Variants in LRIG1 observed in about 807,000 individuals in gnomAD.
The protein encoded by LRIG1 is leucine-rich repeats and immunoglobulin-like domains protein 1.
A neutral mutation model predicts 99.2 loss-of-function variants in LRIG1; 48 were observed. That is an observed-to-expected ratio of 0.48 (90% CI 0.38 to 0.62). LRIG1 has a LOEUF of 0.62. Among genes scored for constraint, LRIG1 ranks in the 20% least tolerant of loss-of-function variants. LRIG1 has a pLI of 0.00. For synonymous variants in LRIG1, 772 were observed against 596.1 expected (o/e 1.29, Z -4.30); for missense variants, 1,646 against 1,434.4 (o/e 1.15, Z -2.38).
chr3:66,391,642 G>A (rs1701623185), intron 12 of LRIG1, among the ~76,000 whole-genome samples: 1 of 152,280 alleles, frequency 6.6e-6, no homozygotes, highest in Admixed American at 6.5e-5. Context: ...ATTACTAATG[G>A]TATGGGGATC....
chr3:66,401,066 G>A (rs1480304683), intron 9 of LRIG1, among the ~76,000 whole-genome samples: 1 of 152,228 alleles, frequency 6.6e-6, no homozygotes, highest in Non-Finnish European at 1.5e-5. Context: ...AGCCAGCTCT[G>A]TTTCCTGCCT....
At chr3:66,381,021 G>A (rs912419495) in intron 17 of LRIG1, 160 bp from the exon 18 acceptor site, 4 of 698,536 alleles carry the variant, frequency 5.7e-6, no homozygotes, top group African/African-American at 3.6e-5. Context: ...CCCAGAGAAA[G>A]GACTGGGCAA....
intron 1 of LRIG1, among the ~76,000 whole-genome samples, chr3:66,482,135 A>T (rs1700865955): frequency 6.6e-6 from 1 of 152,256 alleles, no homozygotes; most frequent in Non-Finnish European, 1.5e-5. Context: ...CTGCAGCAGT[A>T]CAGGATCAAC....
At position 66,380,820 on chromosome 3, in the gene LRIG1, C is replaced by T. The variant is rs779684946; in HGVS notation, c.2812G>A (p.Val938Met). The T allele has an allele frequency of 1.9e-6, 3 of 1,614,250 alleles. No homozygotes were observed. The highest frequency in any genetic ancestry group is 2.5e-6 in the Non-Finnish European group (3 of 1,180,056). The change falls in exon 18 of 19, where the codon GTG (valine) becomes ATG (methionine). Residue 938 changes from valine (V) to methionine (M), a missense_variant. Physicochemically the swap from Val to Met is conservative, Grantham distance 21. Transcript: ENST00000273261. ...GCTTGTCCCCTGGAGTAACAGTCCACTTCGGTGTTGCAGTCACTGCATACG... is the reference window on the plus strand; with the variant it reads ...GCTTGTCCCCTGGAGTAACAGTCCATTTCGGTGTTGCAGTCACTGCATACG... Reference protein sequence around the residue: ...RVVCSDCNTEVDCYSRGQAFH... With the variant: ...RVVCSDCNTEMDCYSRGQAFH...
intron 1 of LRIG1, among the ~76,000 whole-genome samples, chr3:66,485,628 T>G (rs140132691): frequency 6.6e-6 from 1 of 152,336 alleles, no homozygotes; most frequent in East Asian, 1.9e-4. Context: ...ATAAATAGTT[T>G]ACTTTTTTTG....
Position 66,471,833 on chromosome 3 carries a change from A to G in LRIG1, c.219-9324T>C, listed in dbSNP as rs570628202. Among the ~76,000 whole-genome samples, 89 of 152,272 alleles carry G rather than the reference A, an allele frequency of 5.8e-4. 1 individual carries two copies. In the South Asian group the frequency reaches 0.018, roughly 31 times the overall value. ...GTTCACCAAGTGCTTTGTAAAGTCC[A>G]CCAAAGCTTCTCTGGTCACGGATTA... On this transcript the variant is annotated intron_variant, in intron 1 of 18. Transcript: ENST00000273261.
chr3:66,380,297 T>C lies in LRIG1; in HGVS notation c.3248A>G (p.Gln1083Arg), dbSNP rs1286489002. ...TPLTGQLPGK[Q>R]RVPLLLAPKS Reference sequence around the variant, plus strand: ...TGGTGCCAACAGCAGTGGCACCCTCTGTTTCCCGGGGAGCTGTCCTGTCAG... The same window carrying C: ...TGGTGCCAACAGCAGTGGCACCCTCCGTTTCCCGGGGAGCTGTCCTGTCAG... The change falls in exon 19 of 19, where the codon CAG becomes CGG. Residue 1083 changes from glutamine to arginine, a missense_variant. By Grantham distance (43) the Gln-to-Arg change is conservative. Transcript: ENST00000273261. 4 of 1,613,678 alleles carry C rather than the reference T, an allele frequency of 2.5e-6. No homozygotes were observed. In the South Asian group the frequency reaches 4.4e-5, roughly 18 times the overall value.
rs561928903 is a variant in LRIG1 at position 66,398,043 on chromosome 3, A to G, written c.1304+69T>C. On this transcript the variant is annotated intron_variant, in intron 11 of 18. Coordinates refer to ENST00000273261, the MANE Select transcript of LRIG1 (RefSeq NM_015541.3). ...ACTTTTAACAAGTGAGCATAATGCA[A>G]TTGCAGAAGTTTCTTACTCTGAAAG... The G allele has an allele frequency of 6.4e-4, 804 of 1,257,070 alleles. 1 individual carries two copies. Among genetic ancestry groups the G allele is most frequent in the Non-Finnish European group, 8.2e-4 (710 of 866,494 alleles). The allele number at this position is 1,257,070 out of a possible 1,614,324, so 77.9% of individuals were successfully genotyped here.
intron 3 of LRIG1, among the ~76,000 whole-genome samples, chr3:66,429,928 C>CAAAAA (rs1397496686): frequency 1.3e-5 from 2 of 151,980 alleles, no homozygotes; most frequent in African/African-American, 4.8e-5. Flanking sequence ...CAAAACAAAA[C>CAAAAA]CTCCTAAAGT....
chr3:66,487,171 C>T (rs1235232908), intron 1 of LRIG1, among the ~76,000 whole-genome samples: 1 of 152,146 alleles, frequency 6.6e-6, no homozygotes, highest in Admixed American at 6.5e-5. Context: ...GTCAAATATT[C>T]TCTCTAAAAG....
At chr3:66,413,611 C>A (rs76107867) in intron 5 of LRIG1, among the ~76,000 whole-genome samples, 11 of 152,340 alleles carry the variant, frequency 7.2e-5, no homozygotes, top group African/African-American at 2.6e-4. Context: ...ATGACAAAGC[C>A]TCAGTTCACC....
intron 1 of LRIG1, among the ~76,000 whole-genome samples, chr3:66,476,446 C>T (rs1161131273): frequency 6.6e-6 from 1 of 152,054 alleles, no homozygotes; most frequent in Non-Finnish European, 1.5e-5. Context: ...ATAAGTAGTC[C>T]ATTAGTATCA....
chr3:66,491,885 CA>C (rs932576572), intron 1 of LRIG1, among the ~76,000 whole-genome samples: 2 of 151,694 alleles, frequency 1.3e-5, no homozygotes, highest in Non-Finnish European at 2.9e-5. Context: ...TCTCCATATT[CA>C]AAAGGTAAGA....
chr3:66,488,319 C>T (rs938216391), intron 1 of LRIG1, among the ~76,000 whole-genome samples: 21 of 151,974 alleles, frequency 1.4e-4, no homozygotes, highest in Admixed American at 1.4e-3. Context: ...CAGAGTCAGA[C>T]TTCAAAATTA....
At chr3:66,491,545 T>C (rs966787455) in intron 1 of LRIG1, among the ~76,000 whole-genome samples, 42 of 152,166 alleles carry the variant, frequency 2.8e-4, no homozygotes, top group African/African-American at 9.6e-4. Context: ...TGTAAATATA[T>C]AGCTTACCAA....
At position 66,384,078 on chromosome 3, in the gene LRIG1, C is replaced by T; in HGVS notation, c.1984G>A (p.Val662Met). The change falls in exon 14 of 19, where the codon GTG becomes ATG. Residue 662 changes from valine (V) to methionine (M), a missense_variant. Coordinates refer to ENST00000273261, the MANE Select transcript of LRIG1 (RefSeq NM_015541.3). ...PDDDVFFITDVKIDDAGVYSC... is the reference protein window; with the variant it reads ...PDDDVFFITDMKIDDAGVYSC... ...TAAACCCCTGCGTCATCTATTTTCA[C>T]ATCAGTGATGAAAAACACGTCGTCA... The T allele has an allele frequency of 6.2e-7, 1 of 1,614,152 alleles. No homozygotes were observed. The highest frequency in any genetic ancestry group is 8.5e-7 in the Non-Finnish European group (1 of 1,180,046).
intron 16 of LRIG1, among the ~76,000 whole-genome samples, chr3:66,381,852 A>T (rs2242284): frequency 1.3e-5 from 2 of 151,896 alleles, no homozygotes; most frequent in Admixed American, 6.5e-5. Flanking sequence ...GAGCCTCTAC[A>T]GTCTCAGGCA....
intron 3 of LRIG1, among the ~76,000 whole-genome samples, chr3:66,442,703 T>G (rs981585885): frequency 6.6e-6 from 1 of 151,684 alleles, no homozygotes; most frequent in African/African-American, 2.4e-5. Context: ...TGGGCTATAT[T>G]TAAAGCTTGC....
chr3:66,457,615 T>G (rs1463599871), intron 2 of LRIG1, among the ~76,000 whole-genome samples: 1 of 152,192 alleles, frequency 6.6e-6, no homozygotes, highest in Non-Finnish European at 1.5e-5. Context: ...ATAACTACAG[T>G]AACACCAACA....
Sources: gnomAD v4.1 joint callset for allele counts (sites outside exome capture counted in the v4.1 genomes callset) on GRCh38, gnomAD v4.1.1 for gene constraint, MANE v1.5 for transcripts, NCBI Gene and HGNC (gene_info 2026-07-23, HGNC 2026-07-21) for gene names.